Variants in CACNA1D observed in about 807,000 individuals in gnomAD.
CACNA1D encodes calcium voltage-gated channel subunit alpha1 D.
A neutral mutation model predicts 257.1 loss-of-function variants in CACNA1D; 55 were observed. The ratio of observed to expected loss-of-function variants is 0.21; its 90% CI spans 0.17 to 0.27. The LOEUF is 0.27. Ranked by LOEUF, CACNA1D falls within the 10% of genes least tolerant of loss-of-function variation. The pLI is 1.00. For missense variants in CACNA1D, 1,876 were observed against 2,784.0 expected, an observed-to-expected ratio of 0.67 and a Z score of 7.34; for synonymous variants, 980 against 1,014.9, an observed-to-expected ratio of 0.97 and a Z score of 0.65.
intron 4 of CACNA1D, among the ~76,000 whole-genome samples, chr3:53,655,698 T>C (rs1347040748): frequency 6.6e-6 from 1 of 152,196 alleles, no homozygotes; most frequent in Non-Finnish European, 1.5e-5. Flanking sequence ...TCCTTATAGA[T>C]GTTGGATATT....
chr3:53,527,247 T>C lies in CACNA1D; in HGVS notation c.483+25527T>C, dbSNP rs2107410212. Among the ~76,000 whole-genome samples the C allele has an allele frequency of 1.4e-5, 2 of 147,220 alleles. 1 individual carries two copies. The highest frequency in any genetic ancestry group is 6.9e-3 in the Middle Eastern group (2 of 290). Reference sequence around the variant, plus strand: ...TGCAGGGCAAGGCCTATTGCCAGAATCTTCTCAGATATCCCATGTCTGTTG... The same window carrying C: ...TGCAGGGCAAGGCCTATTGCCAGAACCTTCTCAGATATCCCATGTCTGTTG... On this transcript the variant is annotated intron_variant, in intron 3 of 47. Coordinates refer to ENST00000350061, the MANE Select transcript of CACNA1D (RefSeq NM_001128840.3).
intron 3 of CACNA1D, among the ~76,000 whole-genome samples, chr3:53,519,615 T>C (rs2091474706): frequency 2.0e-5 from 3 of 152,176 alleles, no homozygotes. Context: ...CATGGCATGT[T>C]CATACTTTTT....
chr3:53,683,837 A>G (rs925573635), intron 8 of CACNA1D, among the ~76,000 whole-genome samples: 2 of 152,198 alleles, frequency 1.3e-5, no homozygotes, highest in African/African-American at 2.4e-5. Flanking sequence ...TTGGAGTCAC[A>G]GGAGAATAAA....
At chr3:53,806,037 T>C (rs2095563474) in intron 45 of CACNA1D, among the ~76,000 whole-genome samples, 1 of 109,832 alleles carries the variant, frequency 9.1e-6, no homozygotes, top group African/African-American at 3.9e-5. Flanking sequence ...CTCCTCCTCC[T>C]CCCTCATGTT....
intron 3 of CACNA1D, among the ~76,000 whole-genome samples, chr3:53,612,291 AT>A (rs1328988372): frequency 1.3e-5 from 2 of 152,164 alleles, no homozygotes; most frequent in African/African-American, 2.4e-5. Flanking sequence ...TAAAAATTAT[AT>A]TGTGGAGCAT....
intron 4 of CACNA1D, among the ~76,000 whole-genome samples, chr3:53,654,938 G>A (rs150942896): frequency 9.1e-4 from 139 of 152,152 alleles, no homozygotes; most frequent in African/African-American, 3.1e-3. Context: ...GAAAACAAAC[G>A]GCAAGTTGCT....
Position 53,527,121 on chromosome 3 carries a change from G to T in CACNA1D, c.483+25401G>T, listed in dbSNP as rs186215112. ...CTCATTCAATCCTAGAACAATCTAT[G>T]ATGAAACAAAGCAGGTATCACAATT... On this transcript the variant is annotated intron_variant, in intron 3 of 47. Transcript: ENST00000350061. Among the ~76,000 whole-genome samples the T allele has an allele frequency of 6.5e-3, 991 of 152,318 alleles. 7 individuals are homozygous for T. The highest frequency in any genetic ancestry group is 0.011 in the Non-Finnish European group (760 of 68,030).
chr3:53,521,378 A>G (rs2091569271), intron 3 of CACNA1D, among the ~76,000 whole-genome samples: 1 of 152,096 alleles, frequency 6.6e-6, no homozygotes, highest in African/African-American at 2.4e-5. Context: ...CAAGCACAAA[A>G]GTTTTTACTT....
intron 3 of CACNA1D, among the ~76,000 whole-genome samples, chr3:53,617,695 C>T (rs889345400): frequency 2.0e-5 from 3 of 152,142 alleles, no homozygotes; most frequent in African/African-American, 7.2e-5. Context: ...GGGTGGTCAA[C>T]TAACAGGATT....
chr3:53,721,717 A>AT (rs1443293526), intron 11 of CACNA1D, among the ~76,000 whole-genome samples: 4 of 152,196 alleles, frequency 2.6e-5, no homozygotes, highest in African/African-American at 7.2e-5. Context: ...ATGACTCAGT[A>AT]TGAAGATTCA....
In CACNA1D at chr3:53,571,784, A is replaced by G. The variant is rs542682164; in HGVS notation, c.483+70064A>G. 2.0e-5 allele frequency among the ~76,000 whole-genome samples: 3 copies of G among 152,244 alleles called. No individual in the cohort carries two copies. In the East Asian group the frequency reaches 5.8e-4, roughly 29 times the overall value. On this transcript the variant is annotated intron_variant, in intron 3 of 47. Coordinates refer to ENST00000350061, the MANE Select transcript of CACNA1D (RefSeq NM_001128840.3). ...GCATAAGACAATGAGTTTTATTGCAAAGGCCTAGTTACAAAAAAGCGTGTC... is the reference window on the plus strand; with the variant it reads ...GCATAAGACAATGAGTTTTATTGCAGAGGCCTAGTTACAAAAAAGCGTGTC...
intron 3 of CACNA1D, among the ~76,000 whole-genome samples, chr3:53,605,770 A>G (rs1197010020): frequency 6.6e-6 from 1 of 152,198 alleles, no homozygotes; most frequent in African/African-American, 2.4e-5. Flanking sequence ...CCTTCCAGAG[A>G]TAAGAACACT....
intron 3 of CACNA1D, among the ~76,000 whole-genome samples, chr3:53,532,359 A>G (rs1328075777): frequency 6.6e-6 from 1 of 152,164 alleles, no homozygotes; most frequent in Non-Finnish European, 1.5e-5. Context: ...TTATGGAGCA[A>G]TGGCTTTGTT....
intron 28 of CACNA1D, among the ~76,000 whole-genome samples, chr3:53,752,600 C>T (rs975050076): frequency 3.3e-5 from 5 of 152,122 alleles, no homozygotes; most frequent in Non-Finnish European, 7.3e-5. Context: ...GGTTTCACCA[C>T]GTTGGCCAGG....
chr3:53,676,222 C>A (rs924511378), intron 8 of CACNA1D, among the ~76,000 whole-genome samples: 1 of 152,160 alleles, frequency 6.6e-6, no homozygotes, highest in Non-Finnish European at 1.5e-5. Flanking sequence ...GGAGGCATCT[C>A]CCCCGGCGAC....
At chr3:53,687,813 G>A (rs1434378644) in intron 8 of CACNA1D, among the ~76,000 whole-genome samples, 1 of 152,070 alleles carries the variant, frequency 6.6e-6, no homozygotes, top group African/African-American at 2.4e-5. Flanking sequence ...ACACAAGAAT[G>A]TATATGAGTA....
intron 8 of CACNA1D, among the ~76,000 whole-genome samples, chr3:53,687,685 A>C (rs750597232): frequency 1.1e-4 from 17 of 152,216 alleles, no homozygotes; most frequent in Non-Finnish European, 2.1e-4. Context: ...CTAGAAATTT[A>C]AAGGGAAACC....
intron 3 of CACNA1D, among the ~76,000 whole-genome samples, chr3:53,523,000 A>G (rs1227586130): frequency 6.6e-6 from 1 of 152,138 alleles, no homozygotes; most frequent in Non-Finnish European, 1.5e-5. Flanking sequence ...CCCACATAAG[A>G]GTGAGAACAT....
chr3:53,717,103 T>G (rs553280426), intron 9 of CACNA1D, among the ~76,000 whole-genome samples: 1 of 152,250 alleles, frequency 6.6e-6, no homozygotes, highest in African/African-American at 2.4e-5. Flanking sequence ...GCAGAGCCCA[T>G]GGGCCAAGCT....
Sources: gnomAD v4.1 joint callset for allele counts (sites outside exome capture counted in the v4.1 genomes callset) on GRCh38, gnomAD v4.1.1 for gene constraint, MANE v1.5 for transcripts, NCBI Gene and HGNC (gene_info 2026-07-23, HGNC 2026-07-21) for gene names.